C12orf42: variants seen among roughly 807,000 people sequenced by gnomAD.
C12orf42 encodes uncharacterized protein C12orf42.
C12orf42 carries 25 observed loss-of-function variants against 21.6 expected under a neutral mutation model. That is an observed-to-expected ratio of 1.16 (90% CI 0.84 to 1.62). The LOEUF (loss-of-function observed/expected upper bound fraction) is 1.62, where lower values mean the gene tolerates loss of function less well. Ranked by LOEUF, C12orf42 falls within the 40% of genes most tolerant of loss-of-function variation. The pLI, the probability that C12orf42 is intolerant of heterozygous loss-of-function variation, is 0.00. For missense variants in C12orf42, 483 were observed against 459.3 expected, an observed-to-expected ratio of 1.05 and a Z score of -0.47; for synonymous variants, 174 against 175.0, an observed-to-expected ratio of 0.99 and a Z score of 0.05.
chr12:103,135,654 C>T, the C12orf42 span, among the ~76,000 whole-genome samples: 3 of 152,036 alleles, frequency 2.0e-5, no homozygotes, highest in African/African-American at 7.2e-5. Flanking sequence ...GGTGAAAATG[C>T]TCAACAAAAT....
the C12orf42 span, among the ~76,000 whole-genome samples, chr12:103,210,130 T>G: frequency 2.0e-5 from 3 of 152,178 alleles, no homozygotes; most frequent in Admixed American, 2.0e-4. Flanking sequence ...AAGATGGTAA[T>G]TTTCCACTTT....
At chr12:103,377,533 G>A (rs1472263156) in intron 3 of C12orf42, among the ~76,000 whole-genome samples, 4 of 152,164 alleles carry the variant, frequency 2.6e-5, no homozygotes, top group African/African-American at 7.2e-5. Flanking sequence ...AGGAGGAAAG[G>A]GCCCGAGTGT....
chr12:103,543,606 C>G, the C12orf42 span, among the ~76,000 whole-genome samples: 1 of 150,936 alleles, frequency 6.6e-6, no homozygotes, highest in Non-Finnish European at 1.5e-5. Flanking sequence ...AAATGGGAAT[C>G]TGTCTCAAAA....
chr12:103,288,736 CAA>C (rs1447279031), intron 4 of C12orf42, among the ~76,000 whole-genome samples: 3 of 152,082 alleles, frequency 2.0e-5, no homozygotes. Flanking sequence ...ATTTATAAAT[CAA>C]AGTGTCTTCA....
chr12:103,428,347 CA>C (rs1950007125), intron 2 of C12orf42, among the ~76,000 whole-genome samples: 1 of 152,162 alleles, frequency 6.6e-6, no homozygotes, highest in South Asian at 2.1e-4. Context: ...CAACTCTATG[CA>C]AAGAAACTAG....
chr12:103,447,707 A>G (rs1951667287), intron 2 of C12orf42, among the ~76,000 whole-genome samples: 1 of 152,018 alleles, frequency 6.6e-6, no homozygotes, highest in Non-Finnish European at 1.5e-5. Flanking sequence ...TGCAAAAAAA[A>G]TAATAAAATG....
the C12orf42 span, among the ~76,000 whole-genome samples, chr12:103,097,967 G>T: frequency 6.6e-6 from 1 of 152,146 alleles, no homozygotes; most frequent in Non-Finnish European, 1.5e-5. Flanking sequence ...GTTCAAGGTG[G>T]TCATACAGGT....
the C12orf42 span, among the ~76,000 whole-genome samples, chr12:103,139,436 A>T: frequency 1.3e-5 from 2 of 152,048 alleles, no homozygotes; most frequent in Non-Finnish European, 2.9e-5. Context: ...TTGAGCACAG[A>T]CAGAATCATC....
At chr12:103,214,933 T>C in the C12orf42 span, among the ~76,000 whole-genome samples, 2 of 152,192 alleles carry the variant, frequency 1.3e-5, no homozygotes, top group Non-Finnish European at 2.9e-5. Context: ...GTTTTCCTTC[T>C]CTGCAGAAGG....
chr12:103,098,759 A>G, the C12orf42 span, among the ~76,000 whole-genome samples: 1 of 152,228 alleles, frequency 6.6e-6, no homozygotes, highest in Non-Finnish European at 1.5e-5. Context: ...GACACCCACA[A>G]AAGTATTTCA....
the C12orf42 span, among the ~76,000 whole-genome samples, chr12:103,553,832 C>T: frequency 6.6e-6 from 1 of 152,160 alleles, no homozygotes; most frequent in Admixed American, 6.5e-5. Context: ...AGGGAAGTCA[C>T]TTTCCCAAGA....
At chr12:103,493,424 T>C (rs1447721413) in intron 1 of C12orf42, among the ~76,000 whole-genome samples, 1 of 151,776 alleles carries the variant, frequency 6.6e-6, no homozygotes, top group African/African-American at 2.4e-5. Context: ...CACAATGTTC[T>C]GGCCATACCA....
At chr12:103,477,336 A>T (rs1216418820) in intron 2 of C12orf42, among the ~76,000 whole-genome samples, 1 of 152,144 alleles carries the variant, frequency 6.6e-6, no homozygotes, top group Non-Finnish European at 1.5e-5. Context: ...ACTCCAAGAG[A>T]AGAGTAAGTG....
rs531397719 is a variant in C12orf42 at position 103,486,803 on chromosome 12, G to T, written c.-21-8356C>A. 1.6e-4 allele frequency among the ~76,000 whole-genome samples: 25 copies of T among 152,252 alleles called. No homozygotes were observed. The South Asian group carries it at 5.2e-3, about 32-fold the overall frequency. On this transcript the variant is annotated intron_variant, in intron 1 of 5. Coordinates refer to ENST00000548883, the MANE Select transcript of C12orf42 (RefSeq NM_198521.5). ...TTTGTATTTCTGTGGGATCAGTGGT[G>T]ATATCCCCTATATGATTTTTTATTG...
the C12orf42 span, among the ~76,000 whole-genome samples, chr12:103,108,849 A>G: frequency 6.6e-6 from 1 of 152,202 alleles, no homozygotes; most frequent in South Asian, 2.1e-4. Flanking sequence ...GAACTTTTCC[A>G]GAATATATAA....
chr12:103,369,843 C>A (rs1242151793), intron 3 of C12orf42, among the ~76,000 whole-genome samples: 1 of 151,910 alleles, frequency 6.6e-6, no homozygotes, highest in African/African-American at 2.4e-5. Context: ...AGAAAGACAC[C>A]AAAAGCAATT....
At chr12:103,400,329 A>G (rs1467099218) in intron 3 of C12orf42, among the ~76,000 whole-genome samples, 1 of 152,206 alleles carries the variant, frequency 6.6e-6, no homozygotes, top group Non-Finnish European at 1.5e-5. Context: ...TGTCACCTGC[A>G]CTACTCCTTG....
the C12orf42 span, among the ~76,000 whole-genome samples, chr12:103,112,925 C>T: frequency 3.3e-5 from 5 of 152,192 alleles, no homozygotes; most frequent in Admixed American, 6.5e-5. Flanking sequence ...ATCACCTCAC[C>T]GTTTACTGGT....
chr12:103,148,091 A>T, the C12orf42 span, among the ~76,000 whole-genome samples: 1 of 152,180 alleles, frequency 6.6e-6, no homozygotes, highest in African/African-American at 2.4e-5. Context: ...GATGAGTGAC[A>T]ATAAGTCAGA....
Sources: gnomAD v4.1 joint callset for allele counts (sites outside exome capture counted in the v4.1 genomes callset) on GRCh38, gnomAD v4.1.1 for gene constraint, MANE v1.5 for transcripts, NCBI Gene and HGNC (gene_info 2026-07-23, HGNC 2026-07-21) for gene names.